Variants in PRDM2 observed in about 807,000 individuals in gnomAD.
PRDM2 encodes PR domain zinc finger protein 2.
Under a neutral mutation model 130.0 loss-of-function variants are expected in PRDM2, and 30 were observed. That is an observed-to-expected ratio of 0.23 (90% CI 0.17 to 0.31). The LOEUF is 0.31. Among genes scored for constraint, PRDM2 ranks in the 10% least tolerant of loss-of-function variants. PRDM2 has a pLI of 1.00. For synonymous variants in PRDM2, 871 were observed against 782.4 expected, an observed-to-expected ratio of 1.11 and a Z score of -1.89; for missense variants, 2,011 against 2,108.4, an observed-to-expected ratio of 0.95 and a Z score of 0.90.
At chr1:13,762,160 C>T (rs909668611) in intron 6 of PRDM2, among the ~76,000 whole-genome samples, 2 of 152,240 alleles carry the variant, frequency 1.3e-5, no homozygotes, top group Non-Finnish European at 2.9e-5. Flanking sequence ...TGCATTACCT[C>T]ATTTACTTCT....
At chr1:13,719,765 A>T (rs1642663249) in intron 2 of PRDM2, among the ~76,000 whole-genome samples, 1 of 140,936 alleles carries the variant, frequency 7.1e-6, no homozygotes, top group African/African-American at 2.7e-5. Context: ...ATGCCATTTC[A>T]GTAAACTGAA....
intron 6 of PRDM2, among the ~76,000 whole-genome samples, chr1:13,764,240 G>A (rs1261391914): frequency 1.3e-5 from 2 of 152,056 alleles, no homozygotes; most frequent in Admixed American, 6.6e-5. Flanking sequence ...TTTCAGCCAC[G>A]GGGGGCTGAG....
chr1:13,814,814 C>T (rs1286565615), intron 8 of PRDM2, among the ~76,000 whole-genome samples: 3 of 152,300 alleles, frequency 2.0e-5, no homozygotes, highest in East Asian at 1.9e-4. Context: ...GGTAGGGTTC[C>T]GGGCGTGTTT....
chr1:13,790,492 T>C (rs537114690), intron 8 of PRDM2, among the ~76,000 whole-genome samples: 44 of 152,208 alleles, frequency 2.9e-4, no homozygotes, highest in Admixed American at 9.1e-4. Flanking sequence ...CTCTGGCTTA[T>C]GTTGATTCCA....
intron 2 of PRDM2, among the ~76,000 whole-genome samples, chr1:13,723,790 C>G (rs557976523): frequency 1.6e-4 from 25 of 152,216 alleles, no homozygotes; most frequent in Non-Finnish European, 3.1e-4. Context: ...ACAGCCATCT[C>G]TCTGTGCCCA....
chr1:13,751,031 T>C (rs1322947719), intron 6 of PRDM2, among the ~76,000 whole-genome samples: 1 of 152,222 alleles, frequency 6.6e-6, no homozygotes, highest in African/African-American at 2.4e-5. Flanking sequence ...TGTAGTTTAA[T>C]AGCAACCTTA....
chr1:13,704,416 T>C (rs1374212519), intron 1 of PRDM2, among the ~76,000 whole-genome samples: 1 of 152,230 alleles, frequency 6.6e-6, no homozygotes, highest in Non-Finnish European at 1.5e-5. Flanking sequence ...ATGCCTATAC[T>C]GTGTTTTCAT....
chr1:13,748,593 G>C (rs931345438), intron 5 of PRDM2, among the ~76,000 whole-genome samples: 1 of 152,166 alleles, frequency 6.6e-6, no homozygotes, highest in Non-Finnish European at 1.5e-5. Context: ...AATTCTAGGG[G>C]TGTGAACTTT....
At chr1:13,767,136 C>G (rs947073959) in intron 6 of PRDM2, among the ~76,000 whole-genome samples, 8 of 152,108 alleles carry the variant, frequency 5.3e-5, no homozygotes, top group Non-Finnish European at 7.3e-5. Flanking sequence ...AACTATTTCA[C>G]TACAAAATCC....
intron 9 of PRDM2, among the ~76,000 whole-genome samples, chr1:13,817,253 C>CA (rs1038791886): frequency 3.3e-5 from 5 of 151,604 alleles, no homozygotes; most frequent in South Asian, 4.2e-4. Context: ...TTCCAAAATC[C>CA]AAAAAAAATC....
In PRDM2 at chr1:13,803,205, C is replaced by T. The variant is rs568183699; in HGVS notation, c.5037-13222C>T. On this transcript the variant is annotated intron_variant, in intron 8 of 9. Coordinates refer to ENST00000311066, the MANE Select transcript of PRDM2 (RefSeq NM_001393986.1). This position sits in a 1 kb window ranked among gnomAD's most constrained non-coding sequence, Gnocchi z 6.2. ...GCGGGACCTTGGCAATGAGAGAAAC[C>T]GTATAGGAAGCCACGCTGGGAGGAT... Among the ~76,000 whole-genome samples the T allele has an allele frequency of 1.3e-5, 2 of 152,172 alleles. No individual in the cohort carries two copies. Among genetic ancestry groups the T allele is most frequent in the Non-Finnish European group, 2.9e-5 (2 of 68,044 alleles).
chr1:13,813,980 T>C (rs1302904152), intron 8 of PRDM2, among the ~76,000 whole-genome samples: 1 of 152,248 alleles, frequency 6.6e-6, no homozygotes, highest in Non-Finnish European at 1.5e-5. Flanking sequence ...AGCTGGATAC[T>C]GATGATGCAG....
At chr1:13,767,798 T>A (rs989691801) in intron 6 of PRDM2, among the ~76,000 whole-genome samples, 4 of 151,850 alleles carry the variant, frequency 2.6e-5, no homozygotes, top group African/African-American at 9.7e-5. Context: ...AACAGCAAGA[T>A]CTTGTCTCTA....
intron 1 of PRDM2, among the ~76,000 whole-genome samples, chr1:13,703,486 A>G (rs1037111725): frequency 1.3e-5 from 2 of 152,256 alleles, no homozygotes; most frequent in African/African-American, 4.8e-5. Context: ...TACACCTTGA[A>G]GCCAAGAAGT....
chr1:13,787,681 A>G (rs1644769190), intron 8 of PRDM2: 4 of 982,464 alleles, frequency 4.1e-6, no homozygotes, highest in Non-Finnish European at 4.8e-6. Flanking sequence ...GGACGCTTCA[A>G]TTGTATTATA....
At chr1:13,789,351 C>T (rs1057355077) in intron 8 of PRDM2, among the ~76,000 whole-genome samples, 1 of 152,170 alleles carries the variant, frequency 6.6e-6, no homozygotes, top group African/African-American at 2.4e-5. Context: ...TTTACAAAAC[C>T]AGCTTAATGT....
intron 6 of PRDM2, among the ~76,000 whole-genome samples, chr1:13,757,994 C>T (rs552748107): frequency 3.3e-5 from 5 of 152,020 alleles, no homozygotes; most frequent in East Asian, 3.9e-4. Context: ...AGGAGGGGCA[C>T]GCGTTGATTT....
chr1:13,778,358 C>T, intron 7 of PRDM2, 60 bp from the exon 8 acceptor site: 10 of 1,474,782 alleles, frequency 6.8e-6, no homozygotes, highest in Non-Finnish European at 9.1e-6. Context: ...TCAGATTGTT[C>T]ACCAAGTAGC....
intron 9 of PRDM2, among the ~76,000 whole-genome samples, chr1:13,817,182 C>T (rs945660579): frequency 5.3e-5 from 8 of 152,272 alleles, no homozygotes; most frequent in African/African-American, 1.7e-4. Context: ...CTCATTGGAG[C>T]GTTTCAGGTT....
Sources: allele counts gnomAD v4.1 joint callset (sites outside exome capture counted in the v4.1 genomes callset), GRCh38; gene constraint gnomAD v4.1.1; non-coding constraint Gnocchi (gnomAD v3.1); transcripts MANE v1.5; gene names NCBI Gene and HGNC (gene_info 2026-07-23, HGNC 2026-07-21).